C1QTNF3: variants seen among roughly 807,000 people sequenced by gnomAD.
C1QTNF3 encodes the protein complement C1q tumor necrosis factor-related protein 3.
In C1QTNF3, 26 loss-of-function variants were observed where a neutral mutation model predicts 32.6. The ratio of observed to expected loss-of-function variants is 0.80; its 90% CI spans 0.58 to 1.11. C1QTNF3 has a LOEUF of 1.11. Ranked by LOEUF, C1QTNF3 falls within the 50% of genes least tolerant of loss-of-function variation. The pLI, the probability that C1QTNF3 is intolerant of heterozygous loss-of-function variation, is 0.00. For synonymous variants in C1QTNF3, 155 were observed against 146.0 expected, an observed-to-expected ratio of 1.06 and a Z score of -0.44; for missense variants, 362 against 398.2, an observed-to-expected ratio of 0.91 and a Z score of 0.77.
chr5:34,144,564 A>G, the C1QTNF3 span, among the ~76,000 whole-genome samples: 1 of 152,256 alleles, frequency 6.6e-6, no homozygotes, highest in Non-Finnish European at 1.5e-5. Flanking sequence ...AAAGAATTAG[A>G]TATCATACAA....
the C1QTNF3 span, among the ~76,000 whole-genome samples, chr5:34,176,865 ATG>A: frequency 6.6e-6 from 1 of 151,506 alleles, no homozygotes; most frequent in African/African-American, 2.4e-5. Flanking sequence ...TCATGAATGA[ATG>A]AATGAATGAA....
the C1QTNF3 span, chr5:34,158,113 T>C: frequency 1.3e-5 from 2 of 150,518 alleles, no homozygotes; most frequent in Non-Finnish European, 3.0e-5. Flanking sequence ...TTTCTTTTTT[T>C]TTTTTTTTTT....
intron 1 of C1QTNF3, among the ~76,000 whole-genome samples, chr5:34,040,513 T>C (rs2112123186): frequency 6.6e-6 from 1 of 151,788 alleles, no homozygotes; most frequent in Non-Finnish European, 1.5e-5. Flanking sequence ...GAGAAGAAAA[T>C]ACCAGGAAAA....
the C1QTNF3 span, among the ~76,000 whole-genome samples, chr5:34,123,987 C>G: frequency 6.6e-6 from 1 of 152,088 alleles, no homozygotes; most frequent in Non-Finnish European, 1.5e-5. Flanking sequence ...GCCCATGTGT[C>G]TTTTTTCTAA....
chr5:34,213,774 C>T, the C1QTNF3 span, among the ~76,000 whole-genome samples: 15,580 of 52,088 alleles, frequency 0.3, 1,858 homozygotes, highest in East Asian at 0.6. Flanking sequence ...CACACACATA[C>T]GTGTATATAT....
At chr5:34,215,749 C>A in the C1QTNF3 span, among the ~76,000 whole-genome samples, 1 of 152,136 alleles carries the variant, frequency 6.6e-6, no homozygotes, top group Non-Finnish European at 1.5e-5. Context: ...CCTCCCACTT[C>A]AGCCACCTGA....
the C1QTNF3 span, among the ~76,000 whole-genome samples, chr5:34,056,095 T>C: frequency 3.2e-3 from 487 of 152,294 alleles, 4 homozygotes; most frequent in African/African-American, 0.011. Context: ...AAATGCATGA[T>C]TCTACACTTG....
At chr5:34,041,322 G>C (rs1754867759) in intron 1 of C1QTNF3, among the ~76,000 whole-genome samples, 1 of 152,184 alleles carries the variant, frequency 6.6e-6, no homozygotes, top group Non-Finnish European at 1.5e-5. Context: ...AACCTAGAAG[G>C]TAGAGTGAAG....
the C1QTNF3 span, among the ~76,000 whole-genome samples, chr5:34,180,068 C>T: frequency 1.3e-5 from 2 of 152,284 alleles, no homozygotes; most frequent in African/African-American, 2.4e-5. Flanking sequence ...AAATTAGGGC[C>T]GGGCATGGTG....
At chr5:34,219,652 A>G in the C1QTNF3 span, among the ~76,000 whole-genome samples, 1 of 152,106 alleles carries the variant, frequency 6.6e-6, no homozygotes, top group Non-Finnish European at 1.5e-5. Flanking sequence ...CAAAGAAGGT[A>G]AACTATTTTT....
the C1QTNF3 span, among the ~76,000 whole-genome samples, chr5:34,050,178 G>T: frequency 6.6e-6 from 1 of 152,136 alleles, no homozygotes. Context: ...TCACCTCATT[G>T]TCCACATCCC....
chr5:34,160,706 A>G, the C1QTNF3 span, among the ~76,000 whole-genome samples: 2 of 152,112 alleles, frequency 1.3e-5, no homozygotes, highest in South Asian at 2.1e-4. Flanking sequence ...TCAAAATAAA[A>G]CCAGTTATGA....
chr5:34,028,987 G>T, intron 3 of C1QTNF3, 104 bp from the exon 4 acceptor site: 1 of 889,762 alleles, frequency 1.1e-6, no homozygotes, highest in Non-Finnish European at 1.7e-6. Context: ...GCAAGATTGG[G>T]AATAAACATC....
the C1QTNF3 span, chr5:34,157,987 A>G: frequency 6.6e-6 from 1 of 152,046 alleles, no homozygotes; most frequent in Non-Finnish European, 1.5e-5. Flanking sequence ...CAGGATCCAG[A>G]TTGTGAATGG....
At chr5:34,088,878 G>A in the C1QTNF3 span, among the ~76,000 whole-genome samples, 2 of 151,944 alleles carry the variant, frequency 1.3e-5, no homozygotes, top group African/African-American at 4.8e-5. Flanking sequence ...TATTTACATG[G>A]GGAGAATTGT....
rs140606381 is a variant in C1QTNF3, at chr5:34,033,168, G to A, written c.570+136C>T. 15 of 920,376 alleles carry A rather than the reference G, an allele frequency of 1.6e-5. No individual in the cohort carries two copies. The African/African-American group carries it at 1.7e-4, about 10-fold the overall frequency. The allele number at this position is 920,376 out of a possible 1,614,324, so 57.0% of individuals were successfully genotyped here. ...GGGCCTTATGCAAACATCCTGTGATGTAGATGAACAAACTGAGACTCAGAT... is the reference window on the plus strand; with the variant it reads ...GGGCCTTATGCAAACATCCTGTGATATAGATGAACAAACTGAGACTCAGAT... On this transcript the variant is annotated intron_variant, in intron 3 of 5. Coordinates refer to ENST00000382065, the MANE Select transcript of C1QTNF3 (RefSeq NM_181435.6).
At chr5:34,207,619 A>G in the C1QTNF3 span, among the ~76,000 whole-genome samples, 4 of 151,948 alleles carry the variant, frequency 2.6e-5, no homozygotes, top group African/African-American at 9.7e-5. Flanking sequence ...GATCATATGG[A>G]TTTTTATAGC....
chr5:34,026,330 A>G (rs1248387414), intron 4 of C1QTNF3, among the ~76,000 whole-genome samples: 1 of 152,078 alleles, frequency 6.6e-6, no homozygotes, highest in Non-Finnish European at 1.5e-5. Context: ...TGGAAGAGCA[A>G]TGCTGAAAAC....
At chr5:34,172,351 CTTG>C in the C1QTNF3 span, among the ~76,000 whole-genome samples, 16 of 130,548 alleles carry the variant, frequency 1.2e-4, no homozygotes, top group African/African-American at 4.6e-4. Context: ...CTCAAAATAT[CTTG>C]TTGTTATACA....
Sources: gnomAD v4.1 joint callset for allele counts (sites outside exome capture counted in the v4.1 genomes callset) on GRCh38, gnomAD v4.1.1 for gene constraint, MANE v1.5 for transcripts, NCBI Gene and HGNC (gene_info 2026-07-23, HGNC 2026-07-21) for gene names.